FAM227B: variants seen among roughly 807,000 people sequenced by gnomAD.
FAM227B encodes the protein family with sequence similarity 227 member B.
Under a neutral mutation model 73.8 loss-of-function variants are expected in FAM227B, and 88 were observed. The observed-to-expected ratio is 1.19, with a 90% confidence interval of 1.00 to 1.42. The LOEUF is 1.42. Ranked by LOEUF, FAM227B falls within the 40% of genes most tolerant of loss-of-function variation. The pLI is 0.00. For missense variants in FAM227B, 632 were observed against 590.9 expected (o/e 1.07, Z -0.72); for synonymous variants, 210 against 190.5 (o/e 1.10, Z -0.84).
rs370896533 is a variant in FAM227B at position 49,606,776 on chromosome 15, G to A, written c.105+4439C>T. 2.0e-3 allele frequency among the ~76,000 whole-genome samples: 300 copies of A among 152,270 alleles called. 1 individual carries two copies. Among genetic ancestry groups the A allele is most frequent in the African/African-American group, 6.9e-3 (287 of 41,548 alleles). Reference sequence around the variant, plus strand: ...GAAGCCTGCCTTGTTTTGGCCACCAGATGGCTTTAATACTAAATTGTTTAG... The same window carrying A: ...GAAGCCTGCCTTGTTTTGGCCACCAAATGGCTTTAATACTAAATTGTTTAG... On this transcript the variant is annotated intron_variant, in intron 3 of 15. Transcript: ENST00000299338.
At chr15:49,473,109 A>T (rs2151973723) in intron 11 of FAM227B, among the ~76,000 whole-genome samples, 1 of 152,248 alleles carries the variant, frequency 6.6e-6, no homozygotes. Flanking sequence ...AATATTTTTT[A>T]AAAACATTTT....
At chr15:49,426,259 C>T (rs1433974018) in intron 11 of FAM227B, among the ~76,000 whole-genome samples, 4 of 151,590 alleles carry the variant, frequency 2.6e-5, no homozygotes, top group African/African-American at 9.7e-5. Flanking sequence ...TATTTTAAAC[C>T]GCAGAATATA....
intron 11 of FAM227B, among the ~76,000 whole-genome samples, chr15:49,490,077 A>C (rs1308940506): frequency 1.3e-5 from 2 of 150,558 alleles, no homozygotes; most frequent in Non-Finnish European, 3.0e-5. Flanking sequence ...AAATGAAAAC[A>C]ACAACAAAAA....
chr15:49,506,077 G>T (rs755845717), intron 11 of FAM227B, among the ~76,000 whole-genome samples: 1 of 151,900 alleles, frequency 6.6e-6, no homozygotes, highest in Non-Finnish European at 1.5e-5. Context: ...CCTAATAAAA[G>T]TATATTTGCT....
At chr15:49,574,910 G>T in intron 8 of FAM227B, 101 bp downstream of exon 8, 1 of 619,012 alleles carries the variant, frequency 1.6e-6, no homozygotes, top group Non-Finnish European at 2.8e-6. Flanking sequence ...AATCTCTGTA[G>T]TTGCATCCAG....
intron 11 of FAM227B, among the ~76,000 whole-genome samples, chr15:49,482,695 AG>A (rs1292640214): frequency 6.6e-6 from 1 of 152,124 alleles, no homozygotes; most frequent in Non-Finnish European, 1.5e-5. Flanking sequence ...CAAATTTCTT[AG>A]TTTCTCTGTG....
At chr15:49,500,829 C>T (rs1211521788) in intron 11 of FAM227B, among the ~76,000 whole-genome samples, 1 of 152,122 alleles carries the variant, frequency 6.6e-6, no homozygotes, top group Non-Finnish European at 1.5e-5. Flanking sequence ...GGGCCATTCC[C>T]TTGGTGGTAA....
chr15:49,534,142 C>T (rs1382801819), intron 10 of FAM227B, among the ~76,000 whole-genome samples: 2 of 151,774 alleles, frequency 1.3e-5, no homozygotes, highest in Non-Finnish European at 3.0e-5. Flanking sequence ...AATCATTTCC[C>T]ATGAGAACCA....
At position 49,618,655 on chromosome 15, in the gene FAM227B, T is replaced by C. The variant is rs548523883; in HGVS notation, c.-73+2045A>G. 2.6e-5 allele frequency among the ~76,000 whole-genome samples: 4 copies of C among 152,348 alleles called. No homozygotes were observed. In the South Asian group the frequency reaches 6.2e-4, roughly 24 times the overall value. ...GAGTGTATGAGGTAGAGAGGGAATGTTCACACACTTGGAGGTGGTGTTGTT... is the reference window on the plus strand; with the variant it reads ...GAGTGTATGAGGTAGAGAGGGAATGCTCACACACTTGGAGGTGGTGTTGTT... On this transcript the variant is annotated intron_variant, in intron 1 of 15. Coordinates refer to ENST00000299338, the MANE Select transcript of FAM227B (RefSeq NM_152647.3).
chr15:49,428,952 G>A (rs2151772240), intron 11 of FAM227B, among the ~76,000 whole-genome samples: 1 of 152,120 alleles, frequency 6.6e-6, no homozygotes, highest in Non-Finnish European at 1.5e-5. Context: ...TTTGACTTTG[G>A]CTACAAAACC....
rs190271278 is a variant in FAM227B, at chr15:49,371,686, T to C, written c.1013-287A>G. 1.0e-2 allele frequency among the ~76,000 whole-genome samples: 1,505 copies of C among 150,796 alleles called. 12 individuals carry two copies. The highest frequency in any genetic ancestry group is 0.016 in the Non-Finnish European group (1,059 of 67,582). On this transcript the variant is annotated intron_variant, in intron 11 of 15. Coordinates refer to ENST00000299338, the MANE Select transcript of FAM227B (RefSeq NM_152647.3). ...AAAATTCACTAATAAATAAATGAAA[T>C]AAAATTCACTTATAAATAAATGAAA...
At position 49,577,619 on chromosome 15, in the gene FAM227B, T is replaced by C. The variant is rs769096915; in HGVS notation, c.441+10A>G. On this transcript the variant is annotated intron_variant, in intron 6 of 15. Coordinates refer to ENST00000299338, the MANE Select transcript of FAM227B (RefSeq NM_152647.3). ...GATATACAATCTGGCAGAACAGAAA[T>C]TTTAAGTACCTCTATATTCTTCTCT... 24 of 1,537,516 alleles carry C rather than the reference T, an allele frequency of 1.6e-5. No homozygotes were observed. The highest frequency in any genetic ancestry group is 5.5e-5 in the African/African-American group (4 of 72,224).
intron 11 of FAM227B, among the ~76,000 whole-genome samples, chr15:49,469,013 T>C (rs1391603395): frequency 6.6e-6 from 1 of 152,228 alleles, no homozygotes; most frequent in Non-Finnish European, 1.5e-5. Flanking sequence ...AAAATACAGC[T>C]ACATGTTTTA....
intron 10 of FAM227B, among the ~76,000 whole-genome samples, chr15:49,525,644 C>A (rs1339465058): frequency 1.8e-5 from 2 of 110,110 alleles, no homozygotes; most frequent in Non-Finnish European, 3.9e-5. Context: ...TACCTAGAGA[C>A]TCAAAGTTAA....
At chr15:49,478,636 G>A (rs558318607) in intron 11 of FAM227B, among the ~76,000 whole-genome samples, 1 of 152,120 alleles carries the variant, frequency 6.6e-6, no homozygotes, top group East Asian at 1.9e-4. Flanking sequence ...GTTCTGATTG[G>A]CTAACCATCA....
chr15:49,482,145 A>G (rs2056008005), intron 11 of FAM227B, among the ~76,000 whole-genome samples: 1 of 152,126 alleles, frequency 6.6e-6, no homozygotes, highest in Admixed American at 6.6e-5. Context: ...ATGTCTCAGG[A>G]CTGTACCTTC....
intron 2 of FAM227B, among the ~76,000 whole-genome samples, chr15:49,613,190 A>C (rs1420443251): frequency 3.9e-5 from 6 of 152,138 alleles, no homozygotes; most frequent in Admixed American, 3.3e-4. Flanking sequence ...ATCTCCATAA[A>C]AAATTTTAAA....
intron 13 of FAM227B, chr15:49,366,761 T>G: frequency 1.4e-6 from 1 of 714,338 alleles, no homozygotes; most frequent in Non-Finnish European, 2.3e-6. Context: ...GCCACTGCGC[T>G]GCCTCCGTGG....
At position 49,424,586 on chromosome 15, in the gene FAM227B, A is replaced by G. The variant is rs375963598; in HGVS notation, c.1013-53187T>C. 1.7e-5 allele frequency: 27 copies of G among 1,555,424 alleles called. No homozygotes were observed. In the African/African-American group the frequency reaches 3.0e-4, roughly 17 times the overall value. ...CCAAGAGATGAAGAATAATTACAGT[A>G]AGTAATTTTAAGTACTGCTCATGAA... On this transcript the variant is annotated intron_variant, in intron 11 of 15. Transcript: ENST00000299338.
Sources: gnomAD v4.1 joint callset for allele counts (sites outside exome capture counted in the v4.1 genomes callset) on GRCh38, gnomAD v4.1.1 for gene constraint, MANE v1.5 for transcripts, NCBI Gene and HGNC (gene_info 2026-07-23, HGNC 2026-07-21) for gene names.